Variants in ATP10B observed in about 807,000 individuals in gnomAD.
ATP10B encodes the protein ATPase phospholipid transporting 10B (putative), also known as phospholipid-transporting ATPase VB.
Under a neutral mutation model 141.2 loss-of-function variants are expected in ATP10B, and 122 were observed. That is an observed-to-expected ratio of 0.86 (90% CI 0.75 to 1.00). The LOEUF is 1.00. Ranked by LOEUF, ATP10B falls within the 50% of genes least tolerant of loss-of-function variation. ATP10B has a pLI of 0.00. For synonymous variants in ATP10B, 685 were observed against 692.0 expected (o/e 0.99, Z 0.16); for missense variants, 1,876 against 1,825.3 (o/e 1.03, Z -0.51).
intron 6 of ATP10B, among the ~76,000 whole-genome samples, chr5:160,680,599 T>C (rs1763325633): frequency 6.6e-6 from 1 of 152,244 alleles, no homozygotes; most frequent in Non-Finnish European, 1.5e-5. Context: ...AAAGTGATAG[T>C]GTTGAGGACA....
At chr5:160,635,893 G>A (rs932743409) in intron 11 of ATP10B, among the ~76,000 whole-genome samples, 1 of 152,166 alleles carries the variant, frequency 6.6e-6, no homozygotes, top group Admixed American at 6.6e-5. Context: ...TTCTGGCAAA[G>A]GGACAGGCAC....
chr5:160,790,331 A>G (rs942188441), intron 1 of ATP10B, among the ~76,000 whole-genome samples: 1 of 152,182 alleles, frequency 6.6e-6, no homozygotes, highest in Admixed American at 6.6e-5. Flanking sequence ...GTAATTTTTC[A>G]GTGTTGATTA....
chr5:160,845,586 G>T (rs1327299988), intron 1 of ATP10B, among the ~76,000 whole-genome samples: 1 of 152,016 alleles, frequency 6.6e-6, no homozygotes, highest in Non-Finnish European at 1.5e-5. Flanking sequence ...TGAACAAAAA[G>T]TTTTTTTAAA....
chr5:160,884,547 T>C, the ATP10B span, among the ~76,000 whole-genome samples: 1 of 152,200 alleles, frequency 6.6e-6, no homozygotes, highest in Admixed American at 6.5e-5. Flanking sequence ...ACATATAACA[T>C]GCTCTAATCT....
chr5:160,873,978 A>T, the ATP10B span, among the ~76,000 whole-genome samples: 2 of 152,244 alleles, frequency 1.3e-5, no homozygotes, highest in African/African-American at 4.8e-5. Flanking sequence ...GCCATTGCCC[A>T]GGCTTGCTTA....
intron 1 of ATP10B, among the ~76,000 whole-genome samples, chr5:160,818,801 A>G (rs1773882482): frequency 6.6e-6 from 1 of 152,244 alleles, no homozygotes; most frequent in South Asian, 2.1e-4. Context: ...CATGTACACC[A>G]TGGAATACTA....
the ATP10B span, among the ~76,000 whole-genome samples, chr5:160,916,397 G>GTTTTTTTTTTTTTTTTTTTTT: frequency 6.6e-6 from 1 of 151,898 alleles, no homozygotes; most frequent in African/African-American, 2.4e-5. Context: ...GGCAAAAGAT[G>GTTTTTTTTTTTTTTTTTTTTT]TTTTTTTTGT....
intron 7 of ATP10B, among the ~76,000 whole-genome samples, chr5:160,653,428 ATATG>A (rs1286903607): frequency 0.03 from 818 of 27,534 alleles, 10 homozygotes; most frequent in Non-Finnish European, 0.037. Flanking sequence ...GTATATATAC[ATATG>A]TACATACATA....
chr5:160,667,956 AC>A (rs1190439938), intron 7 of ATP10B, among the ~76,000 whole-genome samples: 1 of 152,142 alleles, frequency 6.6e-6, no homozygotes, highest in Admixed American at 6.6e-5. Flanking sequence ...TAGGCCAGGC[AC>A]CGGGGCTCAC....
chr5:160,777,223 G>A (rs1208220547), intron 2 of ATP10B, among the ~76,000 whole-genome samples: 1 of 152,224 alleles, frequency 6.6e-6, no homozygotes, highest in Admixed American at 6.5e-5. Context: ...GGGCACCCAT[G>A]GCTTGTGCCA....
chr5:160,784,830 A>G (rs923067796), intron 2 of ATP10B, among the ~76,000 whole-genome samples: 1 of 152,114 alleles, frequency 6.6e-6, no homozygotes, highest in African/African-American at 2.4e-5. Context: ...ATCTTATAGT[A>G]GATACTATTG....
At chr5:160,721,810 T>C (rs886897110) in intron 2 of ATP10B, among the ~76,000 whole-genome samples, 2 of 152,236 alleles carry the variant, frequency 1.3e-5, no homozygotes, top group Admixed American at 1.3e-4. Context: ...GAGATGCTCC[T>C]GATTCCTTTC....
At chr5:160,800,943 TATTA>T (rs1358892151) in intron 1 of ATP10B, among the ~76,000 whole-genome samples, 7 of 152,332 alleles carry the variant, frequency 4.6e-5, no homozygotes, top group Middle Eastern at 3.4e-3. Context: ...TTTTGCTTCT[TATTA>T]AATAGGTTTG....
intron 21 of ATP10B, among the ~76,000 whole-genome samples, chr5:160,601,172 A>G (rs911488558): frequency 7.2e-5 from 11 of 152,342 alleles, no homozygotes; most frequent in Middle Eastern, 3.4e-3. Flanking sequence ...TAATATTACC[A>G]TCAAGTTGAT....
At chr5:160,918,391 G>T in the ATP10B span, among the ~76,000 whole-genome samples, 1 of 152,226 alleles carries the variant, frequency 6.6e-6, no homozygotes, top group East Asian at 1.9e-4. Context: ...GGCAATCACA[G>T]AATTTATCTG....
At chr5:160,698,889 AAAGCACAAGAATAGGCAAATGAG>A (rs1764523581) in intron 3 of ATP10B, among the ~76,000 whole-genome samples, 1 of 152,222 alleles carries the variant, frequency 6.6e-6, no homozygotes, top group South Asian at 2.1e-4. Context: ...GTGAATCCAG[AAAGCACAAGAATAGGCAAATGAG>A]AAGCTTCACT....
At position 160,644,120 on chromosome 5, in the gene ATP10B, AACT is replaced by A; in HGVS notation, c.868+15_868+17del. ...GATAAAGGAAAATTCAGACAAAAGA[AACT>A]ACCCAGACAATGACCTGCATAGATG... On this transcript the variant is annotated intron_variant, in intron 9 of 25. Coordinates refer to ENST00000327245, the MANE Select transcript of ATP10B (RefSeq NM_025153.3). 6.2e-7 allele frequency: 1 copy of A among 1,606,516 alleles called. No homozygotes were observed. The highest frequency in any genetic ancestry group is 8.5e-7 in the Non-Finnish European group (1 of 1,173,198).
chr5:160,767,636 C>T (rs1012596444), intron 2 of ATP10B, among the ~76,000 whole-genome samples: 2 of 60,752 alleles, frequency 3.3e-5, no homozygotes, highest in African/African-American at 1.3e-4. Flanking sequence ...GTGTGCAGAA[C>T]CCCCCCCCCC....
chr5:160,703,155 CCTTT>C (rs537784130), intron 3 of ATP10B, among the ~76,000 whole-genome samples: 14 of 152,046 alleles, frequency 9.2e-5, no homozygotes, highest in Non-Finnish European at 1.6e-4. Context: ...ATCTGATTGC[CCTTT>C]CTTCTGAAAT....
Sources: gnomAD v4.1 joint callset for allele counts (sites outside exome capture counted in the v4.1 genomes callset) on GRCh38, gnomAD v4.1.1 for gene constraint, MANE v1.5 for transcripts, NCBI Gene and HGNC (gene_info 2026-07-23, HGNC 2026-07-21) for gene names.